Variants in TAFA1 observed in about 807,000 individuals in gnomAD.
The protein encoded by TAFA1 is chemokine-like protein TAFA-1.
A neutral mutation model predicts 18.5 loss-of-function variants in TAFA1; 4 were observed. The ratio of observed to expected loss-of-function variants is 0.22; its 90% CI spans 0.11 to 0.49. The LOEUF is 0.49. Among genes scored for constraint, TAFA1 ranks in the 20% least tolerant of loss-of-function variants. TAFA1 has a pLI of 0.98. For missense variants in TAFA1, 147 were observed against 169.0 expected, an observed-to-expected ratio of 0.87 and a Z score of 0.72; for synonymous variants, 56 against 55.2, an observed-to-expected ratio of 1.01 and a Z score of -0.06.
chr3:68,380,054 GA>G (rs1339214431), intron 2 of TAFA1, among the ~76,000 whole-genome samples: 1 of 152,018 alleles, frequency 6.6e-6, no homozygotes, highest in Non-Finnish European at 1.5e-5. Context: ...TGTTGAGAAT[GA>G]TGGTTTCCAG....
At chr3:68,056,869 C>G (rs895993350) in intron 2 of TAFA1, among the ~76,000 whole-genome samples, 3 of 152,136 alleles carry the variant, frequency 2.0e-5, no homozygotes, top group Non-Finnish European at 4.4e-5. Context: ...GTGGGAGACT[C>G]TGAGGGGTCT....
chr3:68,420,768 A>T (rs1195057575), intron 3 of TAFA1, among the ~76,000 whole-genome samples: 1 of 152,098 alleles, frequency 6.6e-6, no homozygotes, highest in Non-Finnish European at 1.5e-5. Context: ...AGAATTCTCG[A>T]GCTCAAAATG....
intron 2 of TAFA1, among the ~76,000 whole-genome samples, chr3:68,168,794 C>T (rs1443659462): frequency 6.6e-6 from 1 of 152,132 alleles, no homozygotes. Context: ...AAAAAATAGA[C>T]AATTGCTTTT....
At position 68,235,081 on chromosome 3, in the gene TAFA1, C is replaced by T. The variant is rs1559569577; in HGVS notation, c.119-182199C>T. Among the ~76,000 whole-genome samples, 3 of 152,180 alleles carry T rather than the reference C, an allele frequency of 2.0e-5. No individual in the cohort carries two copies. In the East Asian group the frequency reaches 5.8e-4, roughly 29 times the overall value. ...TTCTGAAGGTATTGCTCTTAGAGGC[C>T]AATATGCATTTTCACCTCAGTTCAA... On this transcript the variant is annotated intron_variant, in intron 2 of 4. Transcript: ENST00000478136.
intron 4 of TAFA1, among the ~76,000 whole-genome samples, chr3:68,544,275 T>C (rs1267087140): frequency 6.6e-6 from 1 of 152,118 alleles, no homozygotes. Context: ...ATTAATTTAT[T>C]GCATTGATAA....
At chr3:68,076,731 A>C (rs1213639006) in intron 2 of TAFA1, among the ~76,000 whole-genome samples, 1 of 152,250 alleles carries the variant, frequency 6.6e-6, no homozygotes. Context: ...GGTTGGTTCC[A>C]AGTCTTTGCT....
At chr3:68,444,194 C>T (rs1486618893) in intron 3 of TAFA1, among the ~76,000 whole-genome samples, 3 of 152,102 alleles carry the variant, frequency 2.0e-5, no homozygotes, top group Non-Finnish European at 4.4e-5. Context: ...ATTTGGAAGT[C>T]CAAGGGTTGC....
intron 2 of TAFA1, among the ~76,000 whole-genome samples, chr3:68,237,232 A>G (rs2066938163): frequency 1.3e-5 from 2 of 152,164 alleles, no homozygotes; most frequent in Admixed American, 1.3e-4. Flanking sequence ...TGTCTTCTCA[A>G]TGTGATCTCA....
chr3:68,394,491 A>G (rs1400046271), intron 2 of TAFA1, among the ~76,000 whole-genome samples: 1 of 152,078 alleles, frequency 6.6e-6, no homozygotes, highest in East Asian at 1.9e-4. Context: ...AGCCCATACA[A>G]CCAAGGCAAT....
rs186358104 is a variant in TAFA1 at position 68,028,718 on chromosome 3, A to G, written c.118+21974A>G. Among the ~76,000 whole-genome samples, 247 of 151,342 alleles carry G rather than the reference A, an allele frequency of 1.6e-3. 2 individuals carry two copies. The highest frequency in any genetic ancestry group is 5.1e-3 in the Admixed American group (78 of 15,170). On this transcript the variant is annotated intron_variant, in intron 2 of 4. Transcript: ENST00000478136. ...GTTACCTGTTCATCTTCTGTCTGTC[A>G]AATCTCCCTCAGCCTCACTCTTTTT...
At chr3:68,409,437 G>A (rs1190256103) in intron 2 of TAFA1, among the ~76,000 whole-genome samples, 1 of 151,502 alleles carries the variant, frequency 6.6e-6, no homozygotes, top group Admixed American at 6.6e-5. Flanking sequence ...TGATGGTGGG[G>A]GAGTTCTTAT....
At chr3:68,437,900 T>C (rs944108629) in intron 3 of TAFA1, among the ~76,000 whole-genome samples, 4 of 152,050 alleles carry the variant, frequency 2.6e-5, no homozygotes, top group Admixed American at 2.6e-4. Flanking sequence ...AACTCAAAAG[T>C]CCGTCTACTT....
chr3:68,345,347 C>T (rs1235363819), intron 2 of TAFA1, among the ~76,000 whole-genome samples: 5 of 152,204 alleles, frequency 3.3e-5, no homozygotes, highest in African/African-American at 1.2e-4. Context: ...CAGTGAGTGG[C>T]TGCTGTGTAT....
At chr3:68,090,403 A>G (rs113540571) in intron 2 of TAFA1, among the ~76,000 whole-genome samples, 1,575 of 152,306 alleles carry the variant, frequency 0.01, 29 homozygotes, top group African/African-American at 0.035. Context: ...TTTTTACATT[A>G]AGATTTGGTA....
intron 3 of TAFA1, among the ~76,000 whole-genome samples, chr3:68,464,829 A>G (rs557213468): frequency 1.3e-5 from 2 of 152,280 alleles, no homozygotes; most frequent in East Asian, 3.9e-4. Flanking sequence ...GTAGTTCCAT[A>G]TGTTTAGAAT....
intron 2 of TAFA1, among the ~76,000 whole-genome samples, chr3:68,045,005 G>A (rs1387142207): frequency 6.6e-6 from 1 of 152,120 alleles, no homozygotes; most frequent in African/African-American, 2.4e-5. Flanking sequence ...TTTTCTGCAG[G>A]CCTCTGTGGG....
At chr3:68,475,037 T>G (rs985810997) in intron 3 of TAFA1, among the ~76,000 whole-genome samples, 1 of 152,102 alleles carries the variant, frequency 6.6e-6, no homozygotes, top group Non-Finnish European at 1.5e-5. Flanking sequence ...GTTCTTTGAG[T>G]TCACCATTGA....
At chr3:68,541,553 CAT>C (rs958908470) in intron 4 of TAFA1, among the ~76,000 whole-genome samples, 1 of 151,734 alleles carries the variant, frequency 6.6e-6, no homozygotes, top group Admixed American at 6.6e-5. Flanking sequence ...TTATGAGTCA[CAT>C]GTTTTCATTG....
At position 68,529,508 on chromosome 3, in the gene TAFA1, T is replaced by G. The variant is rs1352514230; in HGVS notation, c.260-9248T>G. Among the ~76,000 whole-genome samples the G allele has an allele frequency of 3.3e-5, 5 of 150,050 alleles. No individual in the cohort carries two copies. The East Asian group carries it at 9.9e-4, about 30-fold the overall frequency. ...CTTTCAAGAACTTCCATAGTCTTAT[T>G]AAGCCTTTGTCTTAGTCTGCTTGTG... is the stretch of plus-strand genomic sequence containing the variant. On this transcript the variant is annotated intron_variant, in intron 3 of 4. Transcript: ENST00000478136.
Sources: allele counts gnomAD v4.1 joint callset (sites outside exome capture counted in the v4.1 genomes callset), GRCh38; gene constraint gnomAD v4.1.1; transcripts MANE v1.5; gene names NCBI Gene and HGNC (gene_info 2026-07-23, HGNC 2026-07-21).